FAM20B: variants seen among roughly 807,000 people sequenced by gnomAD.
FAM20B encodes the protein FAM20B glycosaminoglycan xylosylkinase.
FAM20B carries 23 observed loss-of-function variants against 43.8 expected under a neutral mutation model. The observed-to-expected ratio is 0.53, with a 90% CI of 0.38 to 0.74. The LOEUF (loss-of-function observed/expected upper bound fraction) is 0.74, where lower values mean the gene tolerates loss of function less well. Among genes scored for constraint, FAM20B ranks in the 30% least tolerant of loss-of-function variants. The pLI is 0.00. For synonymous variants in FAM20B, 178 were observed against 192.4 expected (o/e 0.93, Z 0.62); for missense variants, 440 against 510.5 (o/e 0.86, Z 1.33).
intron 7 of FAM20B, among the ~76,000 whole-genome samples, chr1:179,067,613 AAATAATAAAT>A (rs1450999241): frequency 6.6e-6 from 1 of 152,070 alleles, no homozygotes; most frequent in Non-Finnish European, 1.5e-5. Context: ...CAAAAAAAAT[AAATAATAAAT>A]AATAATTGGT....
chr1:179,043,207 C>T (rs1049913612), intron 1 of FAM20B, among the ~76,000 whole-genome samples: 1 of 152,252 alleles, frequency 6.6e-6, no homozygotes, highest in Non-Finnish European at 1.5e-5. Flanking sequence ...TGGGCTGAGA[C>T]AGCAGGGGCC....
Position 179,050,314 on chromosome 1 carries a change from A to G in FAM20B, c.413A>G (p.Tyr138Cys). ...SRDHVVEGEP[Y>C]AGYDRHNAEV... ...GACCATGTGGTGGAAGGGGAACCGT[A>G]TGCTGGTTATGATAGACACAATGCA... Residue 138 changes from tyrosine (Y) to cysteine (C), a missense_variant, in exon 3 of 8, where the codon TAT (tyrosine) becomes TGT (cysteine). Tyr to Cys is a radical substitution (Grantham distance 194). Transcript: ENST00000263733. The G allele has an allele frequency of 6.2e-7, 1 of 1,614,002 alleles. No homozygotes were observed. Among genetic ancestry groups the G allele is most frequent in the Non-Finnish European group, 8.5e-7 (1 of 1,179,860 alleles).
intron 1 of FAM20B, among the ~76,000 whole-genome samples, chr1:179,041,261 G>A (rs982489074): frequency 4.6e-5 from 7 of 152,228 alleles, no homozygotes; most frequent in African/African-American, 1.2e-4. Context: ...GGTGGCGGCC[G>A]AGCAGAGGCT....
chr1:179,066,928 C>A, intron 7 of FAM20B, 69 bp downstream of exon 7: 1 of 1,154,574 alleles, frequency 8.7e-7, no homozygotes, highest in Non-Finnish European at 1.3e-6. Context: ...ACAGTACATC[C>A]ATTTTCTTGG....
chr1:179,057,456 C>A (rs1434332966), intron 4 of FAM20B, among the ~76,000 whole-genome samples: 1 of 152,142 alleles, frequency 6.6e-6, no homozygotes, highest in Admixed American at 6.5e-5. Context: ...TAACTAAAAT[C>A]TGTGTAGCCC....
At chr1:179,026,412 C>G (rs1007046115) in intron 1 of FAM20B, among the ~76,000 whole-genome samples, 30 of 152,048 alleles carry the variant, frequency 2.0e-4, no homozygotes, top group Non-Finnish European at 3.5e-4. Flanking sequence ...AGGCGCGGGC[C>G]CACCTGGGGC....
Position 179,044,852 on chromosome 1 carries a change from G to A in FAM20B, c.377+628G>A, listed in dbSNP as rs563523288. On this transcript the variant is annotated intron_variant, in intron 2 of 7. Coordinates refer to ENST00000263733, the MANE Select transcript of FAM20B (RefSeq NM_014864.4). ...TTGCTGGACCACATGGTAAGAGTACGTTTCATTTTGTAAAAAACTGCTAAA... is the reference window on the plus strand; with the variant it reads ...TTGCTGGACCACATGGTAAGAGTACATTTCATTTTGTAAAAAACTGCTAAA... Among the ~76,000 whole-genome samples, 11 of 152,282 alleles carry A rather than the reference G, an allele frequency of 7.2e-5. No homozygotes were observed. In the South Asian group the frequency reaches 1.5e-3, roughly 20 times the overall value.
At chr1:179,071,857 A>C (rs1260121773) in intron 7 of FAM20B, 56 bp from the exon 8 acceptor site, 3 of 1,248,014 alleles carry the variant, frequency 2.4e-6, no homozygotes, top group Non-Finnish European at 3.5e-6. Flanking sequence ...CAGGCTTTCA[A>C]CTCCGTTTGA....
intron 1 of FAM20B, among the ~76,000 whole-genome samples, chr1:179,030,791 C>T (rs1331339209): frequency 1.3e-5 from 2 of 151,552 alleles, no homozygotes; most frequent in African/African-American, 4.9e-5. Flanking sequence ...AGGCCCTGCA[C>T]AGTGCTAAGT....
At chr1:179,028,018 T>G (rs1406578524) in intron 1 of FAM20B, among the ~76,000 whole-genome samples, 1 of 152,310 alleles carries the variant, frequency 6.6e-6, no homozygotes, top group South Asian at 2.1e-4. Flanking sequence ...AGTTTCTGCT[T>G]CTTATCTCTT....
upstream of FAM20B, among the ~76,000 whole-genome samples, chr1:179,025,421 C>T (rs1193284123): frequency 6.6e-6 from 1 of 152,108 alleles, no homozygotes; most frequent in Non-Finnish European, 1.5e-5. Context: ...GCGGGGGATA[C>T]ATTTAGATAG....
intron 1 of FAM20B, chr1:179,035,293 A>G (rs550949278): frequency 3.0e-5 from 19 of 643,174 alleles, no homozygotes; most frequent in Non-Finnish European, 4.1e-5. Context: ...TTCAGTCTTT[A>G]AGGACTCAGC....
At chr1:179,069,615 G>A (rs908089453) in intron 7 of FAM20B, among the ~76,000 whole-genome samples, 4 of 152,046 alleles carry the variant, frequency 2.6e-5, no homozygotes, top group African/African-American at 7.2e-5. Flanking sequence ...CAGGTGATCC[G>A]TCCGCCTTGG....
At chr1:179,054,801 A>C (rs1651144930) in intron 4 of FAM20B, among the ~76,000 whole-genome samples, 163 bp downstream of exon 4, 1 of 152,232 alleles carries the variant, frequency 6.6e-6, no homozygotes, top group Non-Finnish European at 1.5e-5. Flanking sequence ...AAATGAATCT[A>C]AAGGAGATGG....
intron 3 of FAM20B, among the ~76,000 whole-genome samples, chr1:179,053,950 C>T (rs1165871417): frequency 2.6e-5 from 4 of 152,230 alleles, no homozygotes; most frequent in East Asian, 3.9e-4. Flanking sequence ...CCAAATTCTG[C>T]CCCTCCAACT....
At chr1:179,027,717 GTTTCT>G (rs1359297422) in intron 1 of FAM20B, among the ~76,000 whole-genome samples, 2 of 152,176 alleles carry the variant, frequency 1.3e-5, no homozygotes, top group Non-Finnish European at 2.9e-5. Flanking sequence ...AGTTCACAGC[GTTTCT>G]TTTCTGTGTG....
chr1:179,039,022 GTTA>G (rs1290597052), intron 1 of FAM20B, among the ~76,000 whole-genome samples: 1 of 152,226 alleles, frequency 6.6e-6, no homozygotes, highest in Non-Finnish European at 1.5e-5. Flanking sequence ...GTTTCCAGTT[GTTA>G]TTAAGGGAGC....
chr1:179,035,731 T>C (rs766165514), intron 1 of FAM20B: 76 of 309,330 alleles, frequency 2.5e-4, no homozygotes, highest in Non-Finnish European at 8.6e-5. Flanking sequence ...GTGGAATCTA[T>C]ATCTCTTCTC....
At chr1:179,067,033 G>A (rs1187574150) in intron 7 of FAM20B, among the ~76,000 whole-genome samples, 174 bp downstream of exon 7, 2 of 152,086 alleles carry the variant, frequency 1.3e-5, no homozygotes, top group Non-Finnish European at 2.9e-5. Flanking sequence ...GAAAGGTGAA[G>A]GCAGATAACC....
Sources: gnomAD v4.1 joint callset for allele counts (sites outside exome capture counted in the v4.1 genomes callset) on GRCh38, gnomAD v4.1.1 for gene constraint, MANE v1.5 for transcripts, NCBI Gene and HGNC (gene_info 2026-07-23, HGNC 2026-07-21) for gene names.